CTDSPL: variants seen among roughly 807,000 people sequenced by gnomAD.
The protein encoded by CTDSPL is CTD small phosphatase-like protein.
CTDSPL carries 8 observed loss-of-function variants against 30.5 expected under a neutral mutation model. The observed-to-expected ratio is 0.26, with a 90% CI of 0.15 to 0.47. CTDSPL has a LOEUF of 0.47. Ranked by LOEUF, CTDSPL falls within the 20% of genes least tolerant of loss-of-function variation. The pLI, the probability that CTDSPL is intolerant of heterozygous loss-of-function variation, is 0.99. For synonymous variants in CTDSPL, 110 were observed against 137.9 expected, an observed-to-expected ratio of 0.80 and a Z score of 1.42; for missense variants, 248 against 366.1, an observed-to-expected ratio of 0.68 and a Z score of 2.63.
chr3:37,884,219 A>G (rs1698239551), intron 1 of CTDSPL, among the ~76,000 whole-genome samples: 1 of 152,256 alleles, frequency 6.6e-6, no homozygotes, highest in Non-Finnish European at 1.5e-5. Flanking sequence ...TAAATTCACT[A>G]GAATGCCCTC....
intron 1 of CTDSPL, among the ~76,000 whole-genome samples, chr3:37,897,201 T>C (rs926459902): frequency 1.3e-5 from 2 of 152,204 alleles, no homozygotes; most frequent in African/African-American, 2.4e-5. Context: ...GAGCTGTTGC[T>C]GTGTGGTGAT....
intron 1 of CTDSPL, among the ~76,000 whole-genome samples, chr3:37,923,515 T>C (rs1269408671): frequency 6.6e-6 from 1 of 152,236 alleles, no homozygotes; most frequent in Non-Finnish European, 1.5e-5. Context: ...ATGTGGTTTA[T>C]GCAATTTTAT....
chr3:37,930,251 T>G (rs536754102), intron 1 of CTDSPL, among the ~76,000 whole-genome samples: 1 of 152,172 alleles, frequency 6.6e-6, no homozygotes, highest in South Asian at 2.1e-4. Flanking sequence ...CTTTTAAAAT[T>G]TTAATTTTTA....
At chr3:37,887,846 C>T (rs962181405) in intron 1 of CTDSPL, among the ~76,000 whole-genome samples, 1 of 152,230 alleles carries the variant, frequency 6.6e-6, no homozygotes, top group African/African-American at 2.4e-5. Context: ...GTAATAGCTC[C>T]TCCAAATGCT....
intron 7 of CTDSPL, among the ~76,000 whole-genome samples, chr3:37,980,315 T>C (rs1699475175): frequency 6.6e-6 from 1 of 152,206 alleles, no homozygotes; most frequent in Non-Finnish European, 1.5e-5. Flanking sequence ...GTGGAAGCCT[T>C]CCTGTGTCCT....
intron 3 of CTDSPL, among the ~76,000 whole-genome samples, chr3:37,963,293 T>C (rs754508451): frequency 6.6e-6 from 1 of 152,226 alleles, no homozygotes; most frequent in Non-Finnish European, 1.5e-5. Flanking sequence ...AAGGTGATCA[T>C]TGTACTTGCA....
rs1699531684 is a variant in CTDSPL, at chr3:37,984,457, A to T, written c.*3590A>T. 1.6e-5 allele frequency: 6 copies of T among 384,394 alleles called. No individual in the cohort carries two copies. The highest frequency in any genetic ancestry group is 1.1e-4 in the South Asian group (6 of 53,690). 23.8% of individuals were successfully genotyped at this position (384,394 alleles called of 1,614,324 possible). A position where few individuals can be genotyped will look rare whatever the true frequency, so the allele number is the denominator to read the frequency against. The stretch of plus-strand genomic sequence containing the variant: ...GATTTCCTTCCTGCCAAAAATAAAC[A>T]TGTGAAACTGCACTCTTTTGTGGAT... On this transcript the variant is annotated 3_prime_UTR_variant, in exon 8 of 8. Transcript: ENST00000273179.
In CTDSPL at chr3:37,874,452, C is replaced by T. The variant is rs545785889; in HGVS notation, c.79+12174C>T. 2.1e-4 allele frequency among the ~76,000 whole-genome samples: 32 copies of T among 152,244 alleles called. 1 individual carries two copies. The South Asian group carries it at 6.2e-3, about 30-fold the overall frequency. On this transcript the variant is annotated intron_variant, in intron 1 of 7. Transcript: ENST00000273179. Reference sequence around the variant, plus strand: ...CTAGATTTAAATACAGACACAAGGCCGGGCGCGGTGGCTCAATGCCTGTAA... The same window carrying T: ...CTAGATTTAAATACAGACACAAGGCTGGGCGCGGTGGCTCAATGCCTGTAA...
intron 6 of CTDSPL, among the ~76,000 whole-genome samples, chr3:37,973,265 T>C (rs914060858): frequency 3.3e-5 from 5 of 152,232 alleles, no homozygotes; most frequent in Admixed American, 1.3e-4. Flanking sequence ...CCAACAGTGC[T>C]CTGGGATGCT....
chr3:37,976,541 G>T lies in CTDSPL; in HGVS notation c.705+647G>T, dbSNP rs140556096. Among the ~76,000 whole-genome samples the T allele has an allele frequency of 9.7e-4, 147 of 151,444 alleles. 3 individuals are homozygous for T. In the East Asian group the frequency reaches 0.027, roughly 28 times the overall value. ...CAGCTACTCGGGAGGCTGAGGCAGGGCAATCACTTGAACCCGGGAGGCGGA... is the reference window on the plus strand; with the variant it reads ...CAGCTACTCGGGAGGCTGAGGCAGGTCAATCACTTGAACCCGGGAGGCGGA... On this transcript the variant is annotated intron_variant, in intron 7 of 7. Transcript: ENST00000273179.
intron 1 of CTDSPL, among the ~76,000 whole-genome samples, chr3:37,902,350 G>A (rs1365510833): frequency 2.0e-5 from 3 of 152,132 alleles, no homozygotes; most frequent in Non-Finnish European, 4.4e-5. Flanking sequence ...AGGTTACCTA[G>A]TTTGCCCCAG....
At chr3:37,899,447 G>A (rs996621966) in intron 1 of CTDSPL, among the ~76,000 whole-genome samples, 1 of 152,204 alleles carries the variant, frequency 6.6e-6, no homozygotes, top group African/African-American at 2.4e-5. Flanking sequence ...AAAGCCCCAT[G>A]TGCAGGAGCT....
intron 1 of CTDSPL, among the ~76,000 whole-genome samples, chr3:37,915,502 A>C (rs891788766): frequency 1.3e-5 from 2 of 152,072 alleles, no homozygotes; most frequent in African/African-American, 4.8e-5. Context: ...CTGAGTTTCA[A>C]ACTAGATATT....
At chr3:37,971,297 G>C in intron 5 of CTDSPL, 110 bp from the exon 6 acceptor site, 2 of 898,794 alleles carry the variant, frequency 2.2e-6, no homozygotes, top group Non-Finnish European at 3.5e-6. Context: ...AGACCTGGGG[G>C]AGGGAGGCAG....
chr3:37,982,994 TG>T lies in CTDSPL; in HGVS notation c.*2130del, dbSNP rs1388491344. On this transcript the variant is annotated 3_prime_UTR_variant, in exon 8 of 8. Coordinates refer to ENST00000273179, the MANE Select transcript of CTDSPL (RefSeq NM_001008392.2). ...AGGATGGAAATCATAAAATATTTCA[TG>T]GGAATCGAACCTAGGGATAGTGCTC... The T allele has an allele frequency of 1.4e-5, 3 of 217,510 alleles. No homozygotes were observed. The highest frequency in any genetic ancestry group is 2.9e-5 in the Non-Finnish European group (3 of 104,940). 13.5% of individuals were successfully genotyped at this position (217,510 alleles called of 1,614,324 possible).
intron 1 of CTDSPL, among the ~76,000 whole-genome samples, chr3:37,865,103 T>A (rs987791947): frequency 1.3e-5 from 2 of 152,302 alleles, no homozygotes; most frequent in Non-Finnish European, 2.9e-5. Context: ...CACGTGGTGG[T>A]GCACAACTCA....
intron 1 of CTDSPL, among the ~76,000 whole-genome samples, chr3:37,939,869 G>A (rs1388009405): frequency 6.7e-6 from 1 of 150,258 alleles, no homozygotes; most frequent in Non-Finnish European, 1.5e-5. Context: ...CAAGGCAGAT[G>A]GATCACAAGG....
At chr3:37,877,721 C>T (rs1000910642) in intron 1 of CTDSPL, among the ~76,000 whole-genome samples, 2 of 152,128 alleles carry the variant, frequency 1.3e-5, no homozygotes, top group Non-Finnish European at 2.9e-5. Context: ...GTTCTGCGGG[C>T]AGTACAGGCA....
At position 37,936,060 on chromosome 3, in the gene CTDSPL, T is replaced by C. The variant is rs141670766; in HGVS notation, c.80-10997T>C. ...GGCACTCAACAAATGTGGGTTGTTA[T>C]GAACCCACAGTGGATGGGGAAACAC... On this transcript the variant is annotated intron_variant, in intron 1 of 7. Transcript: ENST00000273179. 4.5e-3 allele frequency among the ~76,000 whole-genome samples: 678 copies of C among 152,288 alleles called. 2 individuals are homozygous for C. Among genetic ancestry groups the C allele is most frequent in the Non-Finnish European group, 6.6e-3 (447 of 68,002 alleles).
Sources: allele counts gnomAD v4.1 joint callset (sites outside exome capture counted in the v4.1 genomes callset), GRCh38; gene constraint gnomAD v4.1.1; transcripts MANE v1.5; gene names NCBI Gene and HGNC (gene_info 2026-07-23, HGNC 2026-07-21).